TAFA4: variants seen among roughly 807,000 people sequenced by gnomAD.
The protein encoded by TAFA4 is TAFA chemokine like family member 4, also known as chemokine-like protein TAFA-4.
TAFA4 carries 20 observed loss-of-function variants against 21.1 expected under a neutral mutation model. The observed-to-expected ratio is 0.95, with a 90% CI of 0.67 to 1.38. The LOEUF is 1.38. TAFA4 is among the 40% of genes most tolerant of loss of function. TAFA4 has a pLI of 0.00. For missense variants in TAFA4, 211 were observed against 180.9 expected (o/e 1.17, Z -0.95); for synonymous variants, 71 against 67.4 (o/e 1.05, Z -0.26).
intron 3 of TAFA4, among the ~76,000 whole-genome samples, chr3:68,804,159 T>C (rs1276351862): frequency 6.6e-6 from 1 of 152,118 alleles, no homozygotes; most frequent in Non-Finnish European, 1.5e-5. Flanking sequence ...CGAAACATCA[T>C]GAATTCAATT....
chr3:68,869,044 C>T (rs532174194), intron 3 of TAFA4, among the ~76,000 whole-genome samples: 1 of 151,830 alleles, frequency 6.6e-6, no homozygotes, highest in African/African-American at 2.4e-5. Context: ...GAACACATAA[C>T]AACTGATACC....
intron 3 of TAFA4, among the ~76,000 whole-genome samples, chr3:68,797,274 A>C (rs1345050828): frequency 1.3e-5 from 2 of 152,146 alleles, no homozygotes; most frequent in East Asian, 3.9e-4. Flanking sequence ...TGAATGAATA[A>C]ACAAAATGTG....
chr3:68,876,413 A>G (rs903698069), intron 3 of TAFA4, among the ~76,000 whole-genome samples: 2 of 152,246 alleles, frequency 1.3e-5, no homozygotes, highest in Non-Finnish European at 2.9e-5. Flanking sequence ...CCGCCTGTAC[A>G]TACAATTTTA....
chr3:68,808,623 T>C (rs902300601), intron 3 of TAFA4, among the ~76,000 whole-genome samples: 3 of 152,206 alleles, frequency 2.0e-5, no homozygotes, highest in Admixed American at 2.0e-4. Flanking sequence ...TTATCTCTAA[T>C]ACTCTAAACT....
chr3:68,780,585 A>C lies in TAFA4; in HGVS notation c.131-27567T>G, dbSNP rs535616562. Among the ~76,000 whole-genome samples the C allele has an allele frequency of 1.1e-4, 17 of 152,344 alleles. No homozygotes were observed. In the South Asian group the frequency reaches 3.5e-3, roughly 32 times the overall value. On this transcript the variant is annotated intron_variant, in intron 3 of 5. Coordinates refer to ENST00000295569, the MANE Select transcript of TAFA4 (RefSeq NM_182522.5). ...TCTCATTCTCTCTTTGCCTGCTGCC[A>C]TCAGTGTAAAATGGGACTTACTCAT...
At chr3:68,759,672 A>G (rs920771209) in intron 3 of TAFA4, among the ~76,000 whole-genome samples, 1 of 152,224 alleles carries the variant, frequency 6.6e-6, no homozygotes, top group Admixed American at 6.5e-5. Context: ...GGCCCCTGCA[A>G]TAAGTGAGAA....
chr3:68,804,629 A>G (rs1703651618), intron 3 of TAFA4, among the ~76,000 whole-genome samples: 1 of 152,212 alleles, frequency 6.6e-6, no homozygotes. Flanking sequence ...AAGAGAACAG[A>G]GGCCTCAGAA....
At chr3:68,860,600 C>A (rs2089323687) in intron 3 of TAFA4, among the ~76,000 whole-genome samples, 1 of 152,028 alleles carries the variant, frequency 6.6e-6, no homozygotes, top group Admixed American at 6.6e-5. Context: ...TTGTTACTAA[C>A]AAATAATGCT....
intron 3 of TAFA4, among the ~76,000 whole-genome samples, chr3:68,839,505 C>G (rs904268991): frequency 6.6e-6 from 1 of 152,190 alleles, no homozygotes; most frequent in African/African-American, 2.4e-5. Flanking sequence ...GACCCTCTGA[C>G]TACATGATGT....
intron 3 of TAFA4, among the ~76,000 whole-genome samples, chr3:68,865,480 TAA>T (rs2089405080): frequency 6.6e-6 from 1 of 152,076 alleles, no homozygotes; most frequent in Non-Finnish European, 1.5e-5. Flanking sequence ...GATGGTTTTA[TAA>T]AGGGCAGTTT....
At chr3:68,791,149 GCACAA>G (rs1382229492) in intron 3 of TAFA4, among the ~76,000 whole-genome samples, 1 of 152,152 alleles carries the variant, frequency 6.6e-6, no homozygotes, top group Non-Finnish European at 1.5e-5. Context: ...CATGCTCTCT[GCACAA>G]CACAAGTATT....
chr3:68,783,712 A>AG (rs1553641276), intron 3 of TAFA4, among the ~76,000 whole-genome samples: 3 of 60,174 alleles, frequency 5.0e-5, no homozygotes, highest in Admixed American at 4.3e-4. Context: ...AGAGAGAAAG[A>AG]AAAAGAAAGA....
At chr3:68,819,237 A>T (rs1461352219) in intron 3 of TAFA4, among the ~76,000 whole-genome samples, 1 of 147,180 alleles carries the variant, frequency 6.8e-6, no homozygotes, top group Admixed American at 7.1e-5. Flanking sequence ...ACTACTGCAC[A>T]CCTGCCTGGG....
At chr3:68,847,426 C>T (rs889624811) in intron 3 of TAFA4, among the ~76,000 whole-genome samples, 2 of 152,232 alleles carry the variant, frequency 1.3e-5, no homozygotes, top group African/African-American at 4.8e-5. Flanking sequence ...GCAAGAATTT[C>T]AAGCCAGTGG....
At chr3:68,747,349 G>A (rs1184267757) in intron 4 of TAFA4, among the ~76,000 whole-genome samples, 1 of 152,078 alleles carries the variant, frequency 6.6e-6, no homozygotes, top group East Asian at 1.9e-4. Flanking sequence ...TTTCATGGGA[G>A]GACCTGGTGC....
intron 4 of TAFA4, among the ~76,000 whole-genome samples, chr3:68,745,714 T>C (rs773453517): frequency 1.3e-5 from 2 of 152,192 alleles, no homozygotes; most frequent in African/African-American, 2.4e-5. Flanking sequence ...TAAACATCAC[T>C]CGGTTAAACA....
intron 1 of TAFA4, among the ~76,000 whole-genome samples, chr3:68,900,277 T>TAAC (rs1288676596): frequency 2.8e-4 from 7 of 25,412 alleles, no homozygotes; most frequent in South Asian, 2.0e-3. Context: ...ATAATAATAA[T>TAAC]AATAACAATA....
At chr3:68,868,951 G>A (rs530604403) in intron 3 of TAFA4, among the ~76,000 whole-genome samples, 6 of 150,922 alleles carry the variant, frequency 4.0e-5, no homozygotes, top group African/African-American at 1.5e-4. Flanking sequence ...TTTTTGCAGA[G>A]ATAAAAAAAT....
At chr3:68,897,263 T>C (rs1004486280) in intron 1 of TAFA4, among the ~76,000 whole-genome samples, 14 of 152,188 alleles carry the variant, frequency 9.2e-5, no homozygotes, top group Non-Finnish European at 1.8e-4. Context: ...AATTTATAGT[T>C]CATCTTCAGT....
Sources: allele counts gnomAD v4.1 joint callset (sites outside exome capture counted in the v4.1 genomes callset), GRCh38; gene constraint gnomAD v4.1.1; transcripts MANE v1.5; gene names NCBI Gene and HGNC (gene_info 2026-07-23, HGNC 2026-07-21).